Variants in RBFOX1 observed in about 807,000 individuals in gnomAD.
RBFOX1 encodes RNA binding fox-1 homolog 1.
Under a neutral mutation model 57.7 loss-of-function variants are expected in RBFOX1, and 8 were observed. The ratio of observed to expected loss-of-function variants is 0.14; its 90% confidence interval spans 0.08 to 0.25. The LOEUF (loss-of-function observed/expected upper bound fraction) is 0.25. Ranked by LOEUF, RBFOX1 falls within the 10% of genes least tolerant of loss-of-function variation. The pLI is 1.00. For synonymous variants in RBFOX1, 326 were observed against 222.4 expected (o/e 1.47, Z -4.15); for missense variants, 611 against 548.5 (o/e 1.11, Z -1.14).
At chr16:7,584,951 C>A (rs765054332) in intron 6 of RBFOX1, among the ~76,000 whole-genome samples, 1 of 152,170 alleles carries the variant, frequency 6.6e-6, no homozygotes, top group East Asian at 1.9e-4. Flanking sequence ...GGGAATGACA[C>A]CTGCCAAGAT....
intron 3 of RBFOX1, among the ~76,000 whole-genome samples, chr16:5,810,548 C>G (rs1017916363): frequency 6.6e-6 from 1 of 152,186 alleles, no homozygotes; most frequent in Non-Finnish European, 1.5e-5. Flanking sequence ...GCACTTCTAT[C>G]CCATGGTGCT....
At chr16:6,913,118 G>C (rs1026367686) in intron 3 of RBFOX1, among the ~76,000 whole-genome samples, 3 of 152,110 alleles carry the variant, frequency 2.0e-5, no homozygotes, top group Non-Finnish European at 4.4e-5. Context: ...CCACCAGGCC[G>C]CTGGGAGGCT....
chr16:7,476,042 T>G (rs865908651), intron 4 of RBFOX1, among the ~76,000 whole-genome samples: 1 of 151,458 alleles, frequency 6.6e-6, no homozygotes, highest in Middle Eastern at 3.4e-3. Flanking sequence ...CATGGCTCAC[T>G]GCAGCCTCAG....
chr16:5,287,145 G>T (rs559390300), intron 1 of RBFOX1, among the ~76,000 whole-genome samples: 11 of 152,182 alleles, frequency 7.2e-5, no homozygotes, highest in African/African-American at 2.6e-4. Flanking sequence ...TCTCTGCAAA[G>T]AATAAAAAAA....
At chr16:5,368,878 C>A (rs1017747184) in intron 1 of RBFOX1, among the ~76,000 whole-genome samples, 1 of 152,186 alleles carries the variant, frequency 6.6e-6, no homozygotes, top group African/African-American at 2.4e-5. Context: ...GCAATGCATT[C>A]CACTTTTTAT....
intron 5 of RBFOX1, among the ~76,000 whole-genome samples, chr16:7,525,425 C>A (rs7198117): frequency 2.0e-5 from 3 of 152,104 alleles, no homozygotes; most frequent in Non-Finnish European, 2.9e-5. Flanking sequence ...AAAGATTGCT[C>A]TCCATCTCTG....
At chr16:5,916,384 C>A (rs1189835547) in intron 4 of RBFOX1, among the ~76,000 whole-genome samples, 1 of 152,156 alleles carries the variant, frequency 6.6e-6, no homozygotes, top group Non-Finnish European at 1.5e-5. Context: ...TCCTCCCTCT[C>A]TTATTTCTTT....
chr16:5,544,590 A>G (rs921575413), intron 2 of RBFOX1, among the ~76,000 whole-genome samples: 3 of 152,184 alleles, frequency 2.0e-5, no homozygotes, highest in African/African-American at 7.2e-5. Flanking sequence ...AGAAAAATCA[A>G]TAAAACCAAC....
chr16:5,726,898 A>G (rs1320216357), intron 3 of RBFOX1, among the ~76,000 whole-genome samples: 2 of 152,148 alleles, frequency 1.3e-5, no homozygotes, highest in Non-Finnish European at 2.9e-5. Flanking sequence ...ACTGAGGCTC[A>G]GAAAGGTTCT....
intron 3 of RBFOX1, among the ~76,000 whole-genome samples, chr16:6,870,745 C>A (rs575510115): frequency 6.6e-6 from 1 of 152,272 alleles, no homozygotes; most frequent in East Asian, 1.9e-4. Flanking sequence ...CAAAACTCCT[C>A]CCCACCCCAG....
downstream of RBFOX1, chr16:5,601,061 G>T (rs998972197): frequency 3.3e-5 from 5 of 152,336 alleles, no homozygotes; most frequent in Middle Eastern, 3.4e-3. Flanking sequence ...ATTTTGGATA[G>T]ATGGAAAAAT....
intron 1 of RBFOX1, among the ~76,000 whole-genome samples, chr16:5,441,707 G>C (rs1040176046): frequency 6.6e-6 from 1 of 152,122 alleles, no homozygotes; most frequent in Non-Finnish European, 1.5e-5. Context: ...TGGCTGGGGA[G>C]GCCTCAGGAA....
intron 4 of RBFOX1, among the ~76,000 whole-genome samples, chr16:5,880,432 C>T (rs898745979): frequency 2.0e-5 from 3 of 152,158 alleles, no homozygotes; most frequent in Non-Finnish European, 2.9e-5. Context: ...AGGGATGATA[C>T]GAGTGATGTC....
chr16:5,442,415 C>T (rs555963487), intron 1 of RBFOX1, among the ~76,000 whole-genome samples: 1 of 152,320 alleles, frequency 6.6e-6, no homozygotes, highest in African/African-American at 2.4e-5. Flanking sequence ...AGCCTATCTG[C>T]ATGTGGGAAA....
chr16:6,658,936 G>GTTT (rs764621530), intron 3 of RBFOX1, among the ~76,000 whole-genome samples: 2 of 108,580 alleles, frequency 1.8e-5, no homozygotes, highest in South Asian at 2.9e-4. Context: ...TGGTTTTTTT[G>GTTT]TTTTTTTTGT....
chr16:6,560,174 C>CAAAA (rs5815323), intron 2 of RBFOX1, among the ~76,000 whole-genome samples: 23 of 121,456 alleles, frequency 1.9e-4, no homozygotes, highest in African/African-American at 6.2e-4. Flanking sequence ...TGCCATTTAT[C>CAAAA]AAAAAAAAAA....
intron 3 of RBFOX1, among the ~76,000 whole-genome samples, chr16:5,777,767 A>T (rs117047383): frequency 6.6e-6 from 1 of 152,184 alleles, no homozygotes; most frequent in African/African-American, 2.4e-5. Context: ...TTTAACTTAC[A>T]TTTCATTATT....
intron 3 of RBFOX1, among the ~76,000 whole-genome samples, chr16:6,964,297 G>A (rs748686373): frequency 6.6e-6 from 1 of 152,184 alleles, no homozygotes; most frequent in African/African-American, 2.4e-5. Context: ...GGGATTATAG[G>A]CATGAGCTGT....
intron 3 of RBFOX1, among the ~76,000 whole-genome samples, chr16:5,673,396 G>C (rs2050073821): frequency 6.6e-6 from 1 of 152,062 alleles, no homozygotes; most frequent in South Asian, 2.1e-4. Flanking sequence ...TCTTCTCTCA[G>C]AGGGAACCCA....
Sources: gnomAD v4.1 joint callset for allele counts (sites outside exome capture counted in the v4.1 genomes callset) on GRCh38, gnomAD v4.1.1 for gene constraint, MANE v1.5 for transcripts, NCBI Gene and HGNC (gene_info 2026-07-23, HGNC 2026-07-21) for gene names.